Variants in ERBB4 observed in about 807,000 individuals in gnomAD.
ERBB4 encodes receptor tyrosine-protein kinase erbB-4.
Under a neutral mutation model 158.0 loss-of-function variants are expected in ERBB4, and 42 were observed. That is an observed-to-expected ratio of 0.27 (90% confidence interval 0.21 to 0.34). The LOEUF is 0.34. Among genes scored for constraint, ERBB4 ranks in the 10% least tolerant of loss-of-function variants. The pLI is 1.00. For synonymous variants in ERBB4, 583 were observed against 558.7 expected, an observed-to-expected ratio of 1.04 and a Z score of -0.61; for missense variants, 1,333 against 1,624.1, an observed-to-expected ratio of 0.82 and a Z score of 3.08.
intron 3 of ERBB4, among the ~76,000 whole-genome samples, chr2:211,857,588 GA>G (rs1159661596): frequency 6.6e-6 from 1 of 151,954 alleles, no homozygotes; most frequent in African/African-American, 2.4e-5. Context: ...AGGAATAACA[GA>G]AAATCTAATT....
chr2:212,050,983 GC>G (rs1329188562), intron 2 of ERBB4, among the ~76,000 whole-genome samples: 1 of 152,124 alleles, frequency 6.6e-6, no homozygotes, highest in African/African-American at 2.4e-5. Context: ...TAAAAGAGCA[GC>G]CTTTTTGTAG....
At chr2:212,528,104 C>G (rs963984347) in intron 1 of ERBB4, among the ~76,000 whole-genome samples, 1 of 151,898 alleles carries the variant, frequency 6.6e-6, no homozygotes, top group Non-Finnish European at 1.5e-5. Flanking sequence ...ACAGGGTAAC[C>G]TAAAGTAGAA....
At chr2:211,719,630 C>T (rs1240019013) in intron 7 of ERBB4, among the ~76,000 whole-genome samples, 1 of 151,984 alleles carries the variant, frequency 6.6e-6, no homozygotes, top group Non-Finnish European at 1.5e-5. Context: ...CCGAGGCGGG[C>T]TAATCACAAG....
At chr2:212,391,756 TGAC>T (rs1356937095) in intron 1 of ERBB4, among the ~76,000 whole-genome samples, 1 of 144,132 alleles carries the variant, frequency 6.9e-6, no homozygotes, top group Non-Finnish European at 1.5e-5. Flanking sequence ...TATATAATAT[TGAC>T]ATATATTATA....
intron 5 of ERBB4, among the ~76,000 whole-genome samples, chr2:211,736,806 T>C (rs914751851): frequency 1.3e-5 from 2 of 152,150 alleles, no homozygotes; most frequent in Non-Finnish European, 2.9e-5. Flanking sequence ...CATGGCAGTA[T>C]ATTAAATTGT....
intron 3 of ERBB4, among the ~76,000 whole-genome samples, chr2:211,919,821 A>T (rs1365112711): frequency 6.6e-6 from 1 of 152,004 alleles, no homozygotes; most frequent in East Asian, 1.9e-4. Context: ...ATATGTAGAC[A>T]TACTTTCATA....
At position 211,759,915 on chromosome 2, in the gene ERBB4, AT is replaced by A. The variant is rs768121580; in HGVS notation, c.557-9212del. Reference sequence around the variant, plus strand: ...TTCAGTTTACATTTTTATCCTAAACATTTTGGATGATATTAAATAAATATAA... The same window carrying A: ...TTCAGTTTACATTTTTATCCTAAACATTTGGATGATATTAAATAAATATAA... On this transcript the variant is annotated intron_variant, in intron 4 of 27. Transcript: ENST00000342788. 6.0e-4 allele frequency among the ~76,000 whole-genome samples: 92 copies of A among 152,204 alleles called. 1 individual carries two copies. The highest frequency in any genetic ancestry group is 9.3e-4 in the Non-Finnish European group (63 of 68,028).
intron 1 of ERBB4, among the ~76,000 whole-genome samples, chr2:212,132,436 G>A (rs1395762048): frequency 1.3e-5 from 2 of 152,036 alleles, no homozygotes; most frequent in Non-Finnish European, 2.9e-5. Flanking sequence ...CATTGAATTG[G>A]TATACTGAGT....
At chr2:211,659,870 C>G (rs2071353662) in intron 15 of ERBB4, among the ~76,000 whole-genome samples, 1 of 152,022 alleles carries the variant, frequency 6.6e-6, no homozygotes. Flanking sequence ...TAATAAGAAA[C>G]ATGAAAAAGT....
chr2:212,318,616 C>G (rs2087408892), intron 1 of ERBB4, among the ~76,000 whole-genome samples: 1 of 151,484 alleles, frequency 6.6e-6, no homozygotes, highest in Non-Finnish European at 1.5e-5. Flanking sequence ...ATTTTACCAG[C>G]TTTAATAGTT....
intron 20 of ERBB4, among the ~76,000 whole-genome samples, chr2:211,486,690 ACT>A (rs993271757): frequency 5.3e-5 from 8 of 151,942 alleles, no homozygotes; most frequent in African/African-American, 1.4e-4. Context: ...TGCAAGCGAC[ACT>A]CTCTCTCCAA....
At chr2:212,128,173 T>C (rs1013854017) in intron 1 of ERBB4, among the ~76,000 whole-genome samples, 4 of 152,220 alleles carry the variant, frequency 2.6e-5, no homozygotes, top group Non-Finnish European at 5.9e-5. Context: ...TGTAGAGTGA[T>C]ACGGATGGAT....
chr2:211,689,598 A>G (rs2072715364), intron 12 of ERBB4, among the ~76,000 whole-genome samples: 1 of 152,220 alleles, frequency 6.6e-6, no homozygotes, highest in African/African-American at 2.4e-5. Context: ...GTAAAAAGAT[A>G]GTTTAACCAA....
intron 1 of ERBB4, among the ~76,000 whole-genome samples, chr2:212,317,751 T>C (rs762278599): frequency 1.3e-5 from 2 of 151,424 alleles, no homozygotes; most frequent in Admixed American, 6.6e-5. Context: ...CATACAGATA[T>C]AAAGTGGTAA....
intron 3 of ERBB4, among the ~76,000 whole-genome samples, chr2:211,846,390 A>C (rs1277152418): frequency 5.3e-5 from 8 of 152,102 alleles, no homozygotes; most frequent in Admixed American, 5.2e-4. Context: ...CTGGGTATTA[A>C]ATCTGGGCTT....
rs1171846317 is a variant in ERBB4 at position 211,382,617 on chromosome 2, A to G, written c.*998T>C. ...GTTCAATGGATTCCCTCATTGGGCCACCCCTGAAAGTATCAGTAGTTTTCC... is the reference window on the plus strand; with the variant it reads ...GTTCAATGGATTCCCTCATTGGGCCGCCCCTGAAAGTATCAGTAGTTTTCC... On this transcript the variant is annotated 3_prime_UTR_variant, in exon 28 of 28. Coordinates refer to ENST00000342788, the MANE Select transcript of ERBB4 (RefSeq NM_005235.3). The G allele has an allele frequency of 4.3e-6, 1 of 232,800 alleles. No homozygotes were observed. The highest frequency in any genetic ancestry group is 2.2e-5 in the African/African-American group (1 of 45,280). The allele number at this position is 232,800 out of a possible 1,614,324, so 14.4% of individuals were successfully genotyped here. A position where few individuals can be genotyped will look rare whatever the true frequency, so the allele number is the denominator to read the frequency against.
At chr2:211,480,751 C>A (rs929434141) in intron 20 of ERBB4, among the ~76,000 whole-genome samples, 6 of 152,076 alleles carry the variant, frequency 3.9e-5, no homozygotes, top group African/African-American at 1.4e-4. Context: ...TTTTATCCAC[C>A]AAATGATAGG....
intron 1 of ERBB4, among the ~76,000 whole-genome samples, chr2:212,190,484 C>T (rs968162037): frequency 6.8e-6 from 1 of 147,868 alleles, no homozygotes; most frequent in African/African-American, 2.5e-5. Flanking sequence ...TTGCAGTGAG[C>T]GGAGATCGTG....
At chr2:211,737,077 G>A (rs191629832) in intron 5 of ERBB4, among the ~76,000 whole-genome samples, 2 of 152,146 alleles carry the variant, frequency 1.3e-5, no homozygotes, top group East Asian at 1.9e-4. Flanking sequence ...CCTATTTTCA[G>A]GGAAATATAA....
Sources: allele counts gnomAD v4.1 joint callset (sites outside exome capture counted in the v4.1 genomes callset), GRCh38; gene constraint gnomAD v4.1.1; transcripts MANE v1.5; gene names NCBI Gene and HGNC (gene_info 2026-07-23, HGNC 2026-07-21).